The following IL34 variants were observed in gnomAD, a reference collection of about 807,000 sequenced individuals.
IL34 encodes the protein interleukin 34.
A neutral mutation model predicts 25.3 loss-of-function variants in IL34; 17 were observed. The ratio of observed to expected loss-of-function variants is 0.67; its 90% CI spans 0.46 to 1.01. The LOEUF (loss-of-function observed/expected upper bound fraction) is 1.01. IL34 is among the 50% of genes least tolerant of loss of function. The pLI, the probability that IL34 is intolerant of heterozygous loss-of-function variation, is 0.00. For missense variants in IL34, 368 were observed against 312.9 expected, an observed-to-expected ratio of 1.18 and a Z score of -1.33; for synonymous variants, 174 against 140.9, an observed-to-expected ratio of 1.23 and a Z score of -1.66.
At position 70,660,541 on chromosome 16, in the gene IL34, C is replaced by G. The variant is rs2242125; in HGVS notation, c.*354C>G. ...CAGCTGTGGGTTGCAGGGGAGACAG[C>G]CAGCACGGCGTGGCCATTCTATGAC... is the stretch of plus-strand genomic sequence containing the variant. On this transcript the variant is annotated 3_prime_UTR_variant, in exon 6 of 6. Transcript: ENST00000288098. 8,686 of 219,478 alleles carry G rather than the reference C, an allele frequency of 0.04. 637 individuals are homozygous for G. The highest frequency in any genetic ancestry group is 0.24 in the East Asian group (2,472 of 10,420). 13.6% of individuals were successfully genotyped at this position (219,478 alleles called of 1,614,324 possible). A position where few individuals can be genotyped will look rare whatever the true frequency, so the allele number is the denominator to read the frequency against.
chr16:70,653,680 CAA>C (rs763032125), intron 1 of IL34, among the ~76,000 whole-genome samples: 1 of 150,486 alleles, frequency 6.6e-6, no homozygotes, highest in African/African-American at 2.4e-5. Context: ...CCAGGGTGAC[CAA>C]AAAAAAGAAA....
chr16:70,605,632 A>G (rs776350215), intron 1 of IL34, among the ~76,000 whole-genome samples: 10 of 151,990 alleles, frequency 6.6e-5, no homozygotes, highest in African/African-American at 2.2e-4. Flanking sequence ...TTCTTTTATT[A>G]TTATTATTTG....
intron 1 of IL34, among the ~76,000 whole-genome samples, chr16:70,632,891 T>C (rs2051550695): frequency 1.3e-5 from 2 of 152,214 alleles, no homozygotes; most frequent in Non-Finnish European, 2.9e-5. Flanking sequence ...GCTTGCTGTT[T>C]CCAACCAGCA....
chr16:70,620,812 A>G (rs1041494053), intron 1 of IL34, among the ~76,000 whole-genome samples: 3 of 152,166 alleles, frequency 2.0e-5, no homozygotes, highest in African/African-American at 7.2e-5. Context: ...GGGGCATTGC[A>G]GAAGAAAAGG....
chr16:70,647,355 G>T (rs1325787153), intron 1 of IL34, among the ~76,000 whole-genome samples: 1 of 152,212 alleles, frequency 6.6e-6, no homozygotes, highest in African/African-American at 2.4e-5. Context: ...GCTGGTGAAA[G>T]TGTCTAGGGA....
At chr16:70,634,679 CAAA>C (rs35353668) in intron 1 of IL34, among the ~76,000 whole-genome samples, 3 of 117,812 alleles carry the variant, frequency 2.5e-5, no homozygotes, top group Non-Finnish European at 3.6e-5. Context: ...GATTCCGAAT[CAAA>C]AAAAAAAAAA....
intron 4 of IL34, among the ~76,000 whole-genome samples, chr16:70,657,509 G>T (rs1297492769): frequency 2.6e-5 from 4 of 152,144 alleles, no homozygotes. Context: ...AAAACATGCT[G>T]CAGGCCGGGC....
chr16:70,583,641 C>T (rs1168788878), intron 1 of IL34, among the ~76,000 whole-genome samples: 3 of 151,900 alleles, frequency 2.0e-5, no homozygotes, highest in African/African-American at 4.8e-5. Context: ...GTCCCAGCCC[C>T]ACCACCAGAG....
chr16:70,654,630 C>A lies in IL34; in HGVS notation c.121C>A (p.Leu41Met). Reference sequence around the variant, plus strand: ...TGAGGAGTGCACTGTCACGGGTTTTCTGCGGGACAAGCTGCAGTACAGGAG... The same window carrying A: ...TGAGGAGTGCACTGTCACGGGTTTTATGCGGGACAAGCTGCAGTACAGGAG... The part of the protein sequence containing the change: ...QNEECTVTGF[L>M]RDKLQYRSRL... Residue 41 changes from leucine (L) to methionine (M), a missense_variant, in exon 2 of 6, where the codon CTG (leucine) becomes ATG (methionine). Coordinates refer to ENST00000288098, the MANE Select transcript of IL34 (RefSeq NM_001393494.1). 1 of 1,613,242 alleles carries A rather than the reference C, an allele frequency of 6.2e-7. No homozygotes were observed. Among genetic ancestry groups the A allele is most frequent in the Middle Eastern group, 1.7e-4 (1 of 6,060 alleles).
At chr16:70,582,790 T>C (rs2050649425) in intron 1 of IL34, among the ~76,000 whole-genome samples, 1 of 152,242 alleles carries the variant, frequency 6.6e-6, no homozygotes, top group Non-Finnish European at 1.5e-5. Context: ...GCCTCTCTGC[T>C]GTTGACACAG....
chr16:70,606,661 C>G (rs57136896), intron 1 of IL34, among the ~76,000 whole-genome samples: 8,206 of 152,078 alleles, frequency 0.054, 541 homozygotes, highest in East Asian at 0.21. Context: ...AGTCATGGCT[C>G]ACTGCAGCCT....
At position 70,647,109 on chromosome 16, in the gene IL34, C is replaced by T. The variant is rs1395222825; in HGVS notation, c.28+134C>T. On this transcript the variant is annotated intron_variant, in intron 1 of 5. Coordinates refer to ENST00000288098, the MANE Select transcript of IL34 (RefSeq NM_001393494.1). ...TGCTTCCCAGCCGGACTGCAGACAC[C>T]CTCTGAGATTCCCACGGCCGCCGTC... The T allele has an allele frequency of 6.2e-6, 5 of 805,640 alleles. No individual in the cohort carries two copies. The Admixed American group carries it at 1.7e-4, about 27-fold the overall frequency. The allele number at this position is 805,640 out of a possible 1,614,324, so 49.9% of individuals were successfully genotyped here.
At chr16:70,637,682 G>C (rs1207331018) in intron 1 of IL34, among the ~76,000 whole-genome samples, 3 of 152,158 alleles carry the variant, frequency 2.0e-5, no homozygotes, top group Non-Finnish European at 4.4e-5. Flanking sequence ...TAAGGGTTGA[G>C]TTTAATTTTT....
chr16:70,660,318 C>T lies in IL34; in HGVS notation c.*131C>T, dbSNP rs2052374545. The T allele has an allele frequency of 2.5e-6, 2 of 794,744 alleles. No individual in the cohort carries two copies. The highest frequency in any genetic ancestry group is 3.8e-6 in the Non-Finnish European group (2 of 530,572). The allele number at this position is 794,744 out of a possible 1,614,324, so 49.2% of individuals were successfully genotyped here. A position where few individuals can be genotyped will look rare whatever the true frequency, so the allele number is the denominator to read the frequency against. ...AGGACCCCTGGGAAGGGTGTTTTTC[C>T]TTTGAGGGGGATTCTGTGCCACAGC... is the stretch of plus-strand genomic sequence containing the variant. On this transcript the variant is annotated 3_prime_UTR_variant, in exon 6 of 6. Transcript: ENST00000288098.
chr16:70,592,057 G>T (rs576752192), intron 1 of IL34, among the ~76,000 whole-genome samples: 13 of 148,004 alleles, frequency 8.8e-5, no homozygotes, highest in African/African-American at 3.0e-4. Flanking sequence ...GCATGGGGGC[G>T]GCGGGGAGGT....
chr16:70,651,230 T>G (rs141876078), intron 1 of IL34, among the ~76,000 whole-genome samples: 3 of 151,984 alleles, frequency 2.0e-5, no homozygotes, highest in Non-Finnish European at 4.4e-5. Flanking sequence ...GTCTGTGTTG[T>G]GAGAGGGTAC....
chr16:70,608,562 T>G (rs2051045657), intron 1 of IL34, among the ~76,000 whole-genome samples: 1 of 152,212 alleles, frequency 6.6e-6, no homozygotes, highest in Non-Finnish European at 1.5e-5. Context: ...TTGGGCCTGG[T>G]CATCTGGTAG....
chr16:70,649,804 A>ATT (rs1464244365), intron 1 of IL34, among the ~76,000 whole-genome samples: 3 of 151,242 alleles, frequency 2.0e-5, no homozygotes, highest in Non-Finnish European at 4.4e-5. Flanking sequence ...TTTTATTTTT[A>ATT]TTTTTATTTT....
At chr16:70,583,235 C>T (rs2050654822) in intron 1 of IL34, among the ~76,000 whole-genome samples, 1 of 151,966 alleles carries the variant, frequency 6.6e-6, no homozygotes, top group Admixed American at 6.6e-5. Flanking sequence ...GCCTCAGCCT[C>T]CTGAGTAGCT....
Sources: gnomAD v4.1 joint callset for allele counts (sites outside exome capture counted in the v4.1 genomes callset) on GRCh38, gnomAD v4.1.1 for gene constraint, MANE v1.5 for transcripts, NCBI Gene and HGNC (gene_info 2026-07-23, HGNC 2026-07-21) for gene names.